F8: variants seen among roughly 807,000 people sequenced by gnomAD.
The protein encoded by F8 is coagulation factor VIII.
In F8, 12 loss-of-function variants were observed where a neutral mutation model predicts 140.6. That is an observed-to-expected ratio of 0.09 (90% CI 0.05 to 0.14). The LOEUF (loss-of-function observed/expected upper bound fraction) is 0.14, where lower values mean the gene tolerates loss of function less well. Among genes scored for constraint, F8 ranks in the 10% least tolerant of loss-of-function variants. The probability of loss-of-function intolerance (pLI) is 1.00; values close to 1 mark genes in which losing one functional copy is unlikely to be tolerated. For missense variants in F8, 1,354 were observed against 1,720.7 expected (o/e 0.79, Z 3.77); for synonymous variants, 585 against 614.6 (o/e 0.95, Z 0.71).
intron 13 of F8, among the ~76,000 whole-genome samples, chrX:154,940,369 C>T (rs1285559287): frequency 3.6e-5 from 4 of 112,000 alleles, no homozygotes; most frequent in African/African-American, 1.3e-4. Flanking sequence ...GTGATGAATG[C>T]ACAAGCCTCA....
chrX:154,844,464 C>G (rs1204398373), intron 25 of F8, among the ~76,000 whole-genome samples: 1 of 111,206 alleles, frequency 9.0e-6, no homozygotes, highest in Non-Finnish European at 1.9e-5. Context: ...CCTTTTATTT[C>G]ATTGAGCAGT....
At chrX:155,005,156 C>T (rs1367213377) in intron 1 of F8, among the ~76,000 whole-genome samples, 1 of 111,008 alleles carries the variant, frequency 9.0e-6, no homozygotes, top group Non-Finnish European at 1.9e-5. Flanking sequence ...ACTATGGTTG[C>T]CATCATATTA....
chrX:154,863,331 C>G, intron 22 of F8, 104 bp from the exon 23 acceptor site: 3 of 716,956 alleles, frequency 4.2e-6, no homozygotes, highest in Non-Finnish European at 6.6e-6. Flanking sequence ...CGTTTCTCAA[C>G]AGCATCCAAC....
intron 10 of F8, among the ~76,000 whole-genome samples, chrX:154,959,207 T>C (rs782288063): frequency 8.3e-5 from 9 of 109,035 alleles, no homozygotes; most frequent in Admixed American, 3.9e-4. Flanking sequence ...AACACCCCAT[T>C]TCTACAAAAA....
intron 1 of F8, among the ~76,000 whole-genome samples, chrX:155,010,266 T>G (rs1358447284): frequency 8.9e-6 from 1 of 112,396 alleles, no homozygotes; most frequent in African/African-American, 3.2e-5. Context: ...CCTTTGGGAT[T>G]CAATATAGAA....
intron 9 of F8, chrX:154,965,633 T>C: frequency 4.6e-6 from 1 of 217,098 alleles, no homozygotes; most frequent in Non-Finnish European, 8.3e-6. Context: ...TCTAAGCTCA[T>C]GGACTGTTCA....
rs190467039 is a variant in F8 at position 155,015,757 on chromosome X, C to T, written c.143+6653G>A. Among the ~76,000 whole-genome samples the T allele has an allele frequency of 6.2e-5, 7 of 112,160 alleles. No individual in the cohort carries two copies. The East Asian group carries it at 2.0e-3, about 31-fold the overall frequency. The stretch of plus-strand genomic sequence containing the variant: ...CAGGATCATTCATTCGTAACCCAAA[C>T]TTCAGCACCATGCAACATACTCATG... On this transcript the variant is annotated intron_variant, in intron 1 of 25. Coordinates refer to ENST00000360256, the MANE Select transcript of F8 (RefSeq NM_000132.4).
intron 1 of F8, among the ~76,000 whole-genome samples, chrX:155,013,263 AC>A (rs1250661715): frequency 9.1e-6 from 1 of 110,241 alleles, no homozygotes; most frequent in African/African-American, 3.3e-5. Context: ...TGTGAGAGGG[AC>A]CAGGTGGGAG....
intron 6 of F8, among the ~76,000 whole-genome samples, chrX:154,973,164 A>G: frequency 8.9e-6 from 1 of 112,339 alleles, no homozygotes; most frequent in Non-Finnish European, 1.9e-5. Flanking sequence ...TTGGCTTTAA[A>G]TGTTTGGGTG....
At chrX:154,993,532 G>A (rs782270717) in intron 3 of F8, among the ~76,000 whole-genome samples, 1 of 111,540 alleles carries the variant, frequency 9.0e-6, no homozygotes, top group Admixed American at 9.5e-5. Context: ...GATTACAGGC[G>A]CGAACCACCA....
chrX:154,922,310 T>C (rs1222442641), intron 14 of F8, among the ~76,000 whole-genome samples: 1 of 112,147 alleles, frequency 8.9e-6, no homozygotes, highest in Non-Finnish European at 1.9e-5. Context: ...CAGTCTTTCC[T>C]AGAGTCCTAG....
intron 10 of F8, 80 bp from the exon 11 acceptor site, chrX:154,957,251 G>T: frequency 2.5e-6 from 2 of 791,010 alleles, no homozygotes; most frequent in East Asian, 3.1e-5. Flanking sequence ...TGTTGCAAGG[G>T]TTCTACAAAT....
In F8 at chrX:154,930,276, C is replaced by T; in HGVS notation, c.3514G>A (p.Gly1172Arg). 8.3e-7 allele frequency: 1 copy of T among 1,211,400 alleles called. No homozygotes were observed. Among genetic ancestry groups the T allele is most frequent in the Admixed American group, 2.2e-5 (1 of 46,000 alleles). ...FLSEKNKVVVGKGEFTKDVGL... is the reference protein window; with the variant it reads ...FLSEKNKVVVRKGEFTKDVGL... ...ACGTCCTTTGTAAATTCACCCTTTCCTACTACCACTTTGTTTTTCTCAGAC... is the reference window on the plus strand; with the variant it reads ...ACGTCCTTTGTAAATTCACCCTTTCTTACTACCACTTTGTTTTTCTCAGAC... The change falls in exon 14 of 26, where the codon GGA becomes AGA. Residue 1172 changes from glycine (G) to arginine (R), a missense_variant. Physicochemically the swap from Gly to Arg is moderately radical, Grantham distance 125. Around this residue, in one of 4 missense-constraint regions of F8, gnomAD observed 658 missense variants for 666.5 expected, o/e 0.99. Transcript: ENST00000360256.
chrX:154,849,997 C>T (rs1031474276), intron 25 of F8, among the ~76,000 whole-genome samples: 7 of 110,793 alleles, frequency 6.3e-5, no homozygotes, highest in Middle Eastern at 8.4e-3. Flanking sequence ...AATTTTCACA[C>T]GCACACCTGG....
intron 1 of F8, among the ~76,000 whole-genome samples, chrX:155,020,792 A>G (rs1423590603): frequency 5.3e-5 from 6 of 112,489 alleles, no homozygotes; most frequent in African/African-American, 1.9e-4. Flanking sequence ...ATGATGCAAT[A>G]TCACTCTACA....
In F8 at chrX:154,947,744, T is replaced by C. The variant is rs2073313968; in HGVS notation, c.2067A>G (p.Leu689=). ...HKMVYEDTLT[L]FPFSGETVFM... is the part of the protein sequence containing the mutation. ...AGACAGTTTCTCCTGAGAATGGGAA[T>C]AGGGTGAGTGTGTCTTCATAGACCA... The change falls in exon 13 of 26, where the codon CTA becomes CTG. Residue 689 remains leucine (L), a synonymous_variant. Coordinates refer to ENST00000360256, the MANE Select transcript of F8 (RefSeq NM_000132.4). 8.3e-7 allele frequency: 1 copy of C among 1,209,341 alleles called. No individual in the cohort carries two copies. Among genetic ancestry groups the C allele is most frequent in the African/African-American group, 1.7e-5 (1 of 57,194 alleles).
chrX:154,881,055 G>C (rs1393017926), intron 22 of F8, among the ~76,000 whole-genome samples: 11 of 90,832 alleles, frequency 1.2e-4, no homozygotes, highest in African/African-American at 4.4e-4. Flanking sequence ...TTCTTGACTG[G>C]TATAATACAG....
At chrX:154,967,937 A>C (rs939186880) in intron 7 of F8, among the ~76,000 whole-genome samples, 16 of 111,979 alleles carry the variant, frequency 1.4e-4, no homozygotes, top group Non-Finnish European at 1.9e-4. Context: ...ATAAGGAGGA[A>C]AATGGTGGAT....
intron 25 of F8, among the ~76,000 whole-genome samples, chrX:154,844,676 A>T (rs58845485): frequency 0.011 from 1,246 of 111,783 alleles, 24 homozygotes; most frequent in African/African-American, 0.038. Context: ...GCTTATCAGC[A>T]TAAGGAGATT....
Sources: allele counts gnomAD v4.1 joint callset (sites outside exome capture counted in the v4.1 genomes callset), GRCh38; gene constraint gnomAD v4.1.1; regional missense constraint gnomAD v4.1.1; transcripts MANE v1.5; gene names NCBI Gene and HGNC (gene_info 2026-07-23, HGNC 2026-07-21).